ARHGAP42: variants seen among roughly 807,000 people sequenced by gnomAD.
ARHGAP42 encodes rho GTPase-activating protein 42.
Under a neutral mutation model 125.0 loss-of-function variants are expected in ARHGAP42, and 63 were observed. The ratio of observed to expected loss-of-function variants is 0.50; its 90% CI spans 0.41 to 0.62. ARHGAP42 has a LOEUF of 0.62. ARHGAP42 is among the 20% of genes least tolerant of loss of function. The pLI is 0.00. For missense variants in ARHGAP42, 766 were observed against 1,024.2 expected (o/e 0.75, Z 3.44); for synonymous variants, 339 against 351.0 (o/e 0.97, Z 0.38).
rs757144534 is a variant in ARHGAP42, at chr11:100,687,723, C to T, written c.45C>T (p.Ser15=). 3.9e-6 allele frequency: 6 copies of T among 1,549,632 alleles called. No homozygotes were observed. Among genetic ancestry groups the T allele is most frequent in the African/African-American group, 1.4e-5 (1 of 72,994 alleles). Residue 15 remains serine (S), a synonymous_variant, in exon 1 of 24, where the codon AGC becomes AGT. Transcript: ENST00000298815. ...AGTTCAGCGATTCCTACTTGGACAG[C>T]CCAGATTTCAGGGAGCGCTTGCAGT... The part of the protein sequence containing the change: ...TLEFSDSYLD[S]PDFRERLQCH...
chr11:100,955,652 T>C (rs1857783615), intron 12 of ARHGAP42, among the ~76,000 whole-genome samples: 1 of 152,092 alleles, frequency 6.6e-6, no homozygotes, highest in Non-Finnish European at 1.5e-5. Flanking sequence ...TGTAGGATAC[T>C]TATCCTCCTC....
At chr11:100,962,596 G>C (rs1857983161) in intron 16 of ARHGAP42, 129 bp downstream of exon 16, 19 of 841,626 alleles carry the variant, frequency 2.3e-5, no homozygotes, top group Non-Finnish European at 5.4e-6. Flanking sequence ...GTTAATCTGG[G>C]CCGGGTGCGG....
At chr11:100,717,262 A>G (rs1861677714) in intron 1 of ARHGAP42, among the ~76,000 whole-genome samples, 1 of 152,172 alleles carries the variant, frequency 6.6e-6, no homozygotes, top group Non-Finnish European at 1.5e-5. Context: ...TGGTTTTCAA[A>G]CAGTGGTTTG....
chr11:100,875,000 T>C (rs944125967), intron 4 of ARHGAP42, among the ~76,000 whole-genome samples: 3 of 151,930 alleles, frequency 2.0e-5, no homozygotes, highest in Non-Finnish European at 4.4e-5. Flanking sequence ...TTTGTTTCCA[T>C]CCTGATTTGC....
At chr11:100,742,868 T>C (rs945257013) in intron 1 of ARHGAP42, among the ~76,000 whole-genome samples, 7 of 152,216 alleles carry the variant, frequency 4.6e-5, no homozygotes, top group African/African-American at 1.7e-4. Flanking sequence ...TCTGTTTTAT[T>C]TGATATAAGA....
At chr11:100,784,701 G>A (rs1863393450) in intron 2 of ARHGAP42, among the ~76,000 whole-genome samples, 1 of 152,056 alleles carries the variant, frequency 6.6e-6, no homozygotes, top group Admixed American at 6.6e-5. Flanking sequence ...TTTCCTGTAG[G>A]TAATTTGATG....
intron 1 of ARHGAP42, among the ~76,000 whole-genome samples, chr11:100,748,380 A>C (rs1180216860): frequency 6.6e-6 from 1 of 152,058 alleles, no homozygotes; most frequent in African/African-American, 2.4e-5. Context: ...CAATCACCCG[A>C]CTGTCCTGAA....
At chr11:100,725,793 G>A (rs1471812626) in intron 1 of ARHGAP42, among the ~76,000 whole-genome samples, 1 of 151,872 alleles carries the variant, frequency 6.6e-6, no homozygotes, top group Non-Finnish European at 1.5e-5. Flanking sequence ...AAATTAGCCG[G>A]GCATGGTGGC....
At chr11:100,747,432 A>C (rs976888425) in intron 1 of ARHGAP42, among the ~76,000 whole-genome samples, 1 of 152,204 alleles carries the variant, frequency 6.6e-6, no homozygotes, top group East Asian at 1.9e-4. Flanking sequence ...TCTGACCATA[A>C]GGTAAGATTT....
Position 100,876,032 on chromosome 11 carries a change from A to C in ARHGAP42, c.384+16407A>C, listed in dbSNP as rs114632384. Among the ~76,000 whole-genome samples the C allele has an allele frequency of 5.1e-3, 771 of 152,254 alleles. 6 individuals carry two copies. The highest frequency in any genetic ancestry group is 0.017 in the African/African-American group (725 of 41,552). ...AACTCTTTGATTCCTTATAAAAAAA[A>C]TTTGCTCACCACTCACTGGACTAAG... On this transcript the variant is annotated intron_variant, in intron 4 of 23. Coordinates refer to ENST00000298815, the MANE Select transcript of ARHGAP42 (RefSeq NM_152432.4).
At chr11:100,786,596 C>A (rs1863440529) in intron 2 of ARHGAP42, among the ~76,000 whole-genome samples, 1 of 152,016 alleles carries the variant, frequency 6.6e-6, no homozygotes, top group South Asian at 2.1e-4. Context: ...TTGGCAGCTG[C>A]AGAGTAGGTA....
At position 100,927,412 on chromosome 11, in the gene ARHGAP42, A is replaced by G. The variant is rs1005804374; in HGVS notation, c.598-5744A>G. On this transcript the variant is annotated intron_variant, in intron 6 of 23. Transcript: ENST00000298815. ...TCTATCCTGTTTAAAATCTAAGGGC[A>G]TTCATTCTTTAAAAATTTAACAACA... 7.2e-5 allele frequency among the ~76,000 whole-genome samples: 11 copies of G among 152,340 alleles called. No individual in the cohort carries two copies. In the East Asian group the frequency reaches 2.1e-3, roughly 29 times the overall value.
At chr11:100,752,640 C>A (rs532132082) in intron 1 of ARHGAP42, among the ~76,000 whole-genome samples, 1 of 152,356 alleles carries the variant, frequency 6.6e-6, no homozygotes, top group African/African-American at 2.4e-5. Flanking sequence ...AACCTGTCCT[C>A]AACCCTCTCA....
At chr11:100,813,614 A>G (rs901948490) in intron 3 of ARHGAP42, among the ~76,000 whole-genome samples, 1 of 152,162 alleles carries the variant, frequency 6.6e-6, no homozygotes, top group Non-Finnish European at 1.5e-5. Flanking sequence ...GAATTAGGTG[A>G]TGAGCTCCTT....
chr11:100,988,658 A>G, intron 23 of ARHGAP42, 55 bp from the exon 24 acceptor site: 4 of 1,400,258 alleles, frequency 2.9e-6, no homozygotes, highest in East Asian at 2.5e-5. Flanking sequence ...ATCTGTTTAT[A>G]TAATTATTTG....
At chr11:100,941,634 C>G (rs1234875213) in intron 8 of ARHGAP42, 150 bp from the exon 9 acceptor site, 1 of 508,528 alleles carries the variant, frequency 2.0e-6, no homozygotes, top group Admixed American at 4.4e-5. Flanking sequence ...ACCGCTGTCC[C>G]TCTGTTCTTT....
intron 4 of ARHGAP42, among the ~76,000 whole-genome samples, chr11:100,884,143 A>G (rs1866027014): frequency 6.6e-6 from 1 of 152,040 alleles, no homozygotes; most frequent in Non-Finnish European, 1.5e-5. Context: ...GATCCTCATT[A>G]TTTCTCTGTG....
chr11:100,779,946 A>G (rs1166285971), intron 2 of ARHGAP42, among the ~76,000 whole-genome samples: 1 of 151,794 alleles, frequency 6.6e-6, no homozygotes, highest in African/African-American at 2.4e-5. Flanking sequence ...GAATTGCTTG[A>G]ACCTGGGAGT....
intron 3 of ARHGAP42, among the ~76,000 whole-genome samples, chr11:100,852,823 G>A (rs992721713): frequency 6.6e-6 from 1 of 152,142 alleles, no homozygotes; most frequent in Non-Finnish European, 1.5e-5. Flanking sequence ...TGGTCTAATT[G>A]TGCCACCAGA....
Sources: gnomAD v4.1 joint callset for allele counts (sites outside exome capture counted in the v4.1 genomes callset) on GRCh38, gnomAD v4.1.1 for gene constraint, MANE v1.5 for transcripts, NCBI Gene and HGNC (gene_info 2026-07-23, HGNC 2026-07-21) for gene names.